PACSIN2: variants seen among roughly 807,000 people sequenced by gnomAD.
The protein encoded by PACSIN2 is protein kinase C and casein kinase substrate in neurons protein 2.
In PACSIN2, 25 loss-of-function variants were observed where a neutral mutation model predicts 63.8. The observed-to-expected ratio is 0.39, with a 90% CI of 0.29 to 0.55. PACSIN2 has a LOEUF of 0.55. PACSIN2 is among the 20% of genes least tolerant of loss of function. The probability of loss-of-function intolerance (pLI) is 0.62; values close to 1 mark genes in which losing one functional copy is unlikely to be tolerated. For synonymous variants in PACSIN2, 255 were observed against 256.2 expected (o/e 1.00, Z 0.05); for missense variants, 518 against 646.9 (o/e 0.80, Z 2.16).
At position 42,888,693 on chromosome 22, in the gene PACSIN2, G is replaced by A; in HGVS notation, c.559C>T (p.Leu187Phe). The A allele has an allele frequency of 6.2e-7, 1 of 1,614,196 alleles. No individual in the cohort carries two copies. Among genetic ancestry groups the A allele is most frequent in the Non-Finnish European group, 8.5e-7 (1 of 1,180,018 alleles). Residue 187 changes from leucine to phenylalanine, a missense_variant, in exon 5 of 11, where the codon CTC becomes TTC. Leu to Phe is a conservative substitution (Grantham distance 22, BLOSUM62 0). Coordinates refer to ENST00000263246, the MANE Select transcript of PACSIN2 (RefSeq NM_001184970.3). ...KADPSLNPEQ[L>F]KKLQDKIEKC... ...TCTATTTTGTCTTGCAATTTCTTGA[G>A]CTGTTCAGGGTTGAGGGATGGGTCT...
At chr22:42,910,453 TG>T (rs376932740) in intron 2 of PACSIN2, among the ~76,000 whole-genome samples, 1 of 152,138 alleles carries the variant, frequency 6.6e-6, no homozygotes, top group Non-Finnish European at 1.5e-5. Flanking sequence ...ACAGCCTCTC[TG>T]GGGGGGCCAG....
At chr22:42,954,960 C>T (rs559141846) in intron 1 of PACSIN2, among the ~76,000 whole-genome samples, 7 of 152,302 alleles carry the variant, frequency 4.6e-5, no homozygotes, top group African/African-American at 1.4e-4. Context: ...ACAACAAGCT[C>T]CTAAGTCTGG....
intron 4 of PACSIN2, among the ~76,000 whole-genome samples, chr22:42,889,191 C>T (rs1217289525): frequency 1.3e-5 from 2 of 151,822 alleles, no homozygotes; most frequent in South Asian, 2.1e-4. Flanking sequence ...ACATGGAACA[C>T]GCACATGGAG....
chr22:42,972,955 C>T (rs760538715), intron 1 of PACSIN2, among the ~76,000 whole-genome samples: 1 of 152,148 alleles, frequency 6.6e-6, no homozygotes, highest in Non-Finnish European at 1.5e-5. Flanking sequence ...AAAGCACACA[C>T]CTGGATTTTC....
chr22:42,884,649 G>T, intron 5 of PACSIN2, 88 bp from the exon 6 acceptor site: 2 of 953,046 alleles, frequency 2.1e-6, no homozygotes, highest in Non-Finnish European at 3.2e-6. Context: ...GGCCTTCCCA[G>T]ATTCCAAATG....
chr22:42,969,447 A>G (rs1290393260), intron 1 of PACSIN2, among the ~76,000 whole-genome samples: 2 of 152,208 alleles, frequency 1.3e-5, no homozygotes, highest in African/African-American at 4.8e-5. Flanking sequence ...ACCACTTAAC[A>G]CTGGTTTAGA....
intron 1 of PACSIN2, among the ~76,000 whole-genome samples, chr22:42,979,825 C>T (rs1223658339): frequency 2.6e-5 from 4 of 152,164 alleles, no homozygotes; most frequent in African/African-American, 7.2e-5. Flanking sequence ...GCATCCTGAC[C>T]ACATGCTACA....
rs75251521 is a variant in PACSIN2 at position 42,955,632 on chromosome 22, G to A, written c.-77-43475C>T. Among the ~76,000 whole-genome samples, 668 of 152,260 alleles carry A rather than the reference G, an allele frequency of 4.4e-3. 4 individuals carry two copies. The highest frequency in any genetic ancestry group is 0.015 in the African/African-American group (625 of 41,544). On this transcript the variant is annotated intron_variant, in intron 1 of 10. Coordinates refer to ENST00000263246, the MANE Select transcript of PACSIN2 (RefSeq NM_001184970.3). Reference sequence around the variant, plus strand: ...ACCTAAGATTCAATTTAATGTCTTCGAGTTCAATGTGAAGTATGAAAGATT... The same window carrying A: ...ACCTAAGATTCAATTTAATGTCTTCAAGTTCAATGTGAAGTATGAAAGATT...
intron 1 of PACSIN2, among the ~76,000 whole-genome samples, chr22:42,981,308 T>C (rs201704843): frequency 0.048 from 6,606 of 136,896 alleles, 575 homozygotes; most frequent in East Asian, 0.46. Flanking sequence ...GTCTGGGAAG[T>C]GAGGAGCGTC....
chr22:43,014,003 G>A (rs1308543000), intron 1 of PACSIN2, among the ~76,000 whole-genome samples: 1 of 151,326 alleles, frequency 6.6e-6, no homozygotes, highest in Non-Finnish European at 1.5e-5. Flanking sequence ...GCAGCCGTGT[G>A]GGCCCCAAAG....
At chr22:42,982,898 A>C (rs1922321125) in intron 1 of PACSIN2, among the ~76,000 whole-genome samples, 1 of 148,954 alleles carries the variant, frequency 6.7e-6, no homozygotes, top group Non-Finnish European at 1.5e-5. Context: ...AAACAACAAC[A>C]AGGCTAGGAG....
intron 1 of PACSIN2, among the ~76,000 whole-genome samples, chr22:43,003,467 G>T (rs1229141993): frequency 6.6e-6 from 1 of 152,164 alleles, no homozygotes; most frequent in Non-Finnish European, 1.5e-5. Flanking sequence ...GCTGGGCGTG[G>T]TGGCGGGCAC....
intron 1 of PACSIN2, among the ~76,000 whole-genome samples, chr22:42,947,250 G>C (rs944341365): frequency 6.6e-6 from 1 of 152,178 alleles, no homozygotes; most frequent in African/African-American, 2.4e-5. Flanking sequence ...GGGAGAAGAG[G>C]AATGCTCCAG....
intron 1 of PACSIN2, among the ~76,000 whole-genome samples, chr22:42,946,567 A>G (rs950342077): frequency 3.9e-5 from 6 of 152,190 alleles, no homozygotes; most frequent in African/African-American, 1.4e-4. Flanking sequence ...AAAAAGAACA[A>G]GTGCTCACTG....
chr22:42,916,752 G>A (rs1601515181), intron 1 of PACSIN2, among the ~76,000 whole-genome samples: 1 of 152,136 alleles, frequency 6.6e-6, no homozygotes, highest in Non-Finnish European at 1.5e-5. Flanking sequence ...GCTCTCAAGA[G>A]GCAGCCTCTC....
chr22:42,920,793 CTTTTTTTTTTTT>C (rs745822264), intron 1 of PACSIN2, among the ~76,000 whole-genome samples: 1 of 77,656 alleles, frequency 1.3e-5, no homozygotes, highest in Admixed American at 1.8e-4. Context: ...AATTATCACA[CTTTTTTTTTTTT>C]TTTTTTTTTT....
intron 1 of PACSIN2, among the ~76,000 whole-genome samples, chr22:42,974,439 T>C (rs948818767): frequency 2.0e-5 from 3 of 152,042 alleles, no homozygotes; most frequent in Non-Finnish European, 2.9e-5. Flanking sequence ...GCCTAACTCC[T>C]CCCCACTGGA....
chr22:42,943,194 C>A (rs968892185), intron 1 of PACSIN2, among the ~76,000 whole-genome samples: 8 of 151,896 alleles, frequency 5.3e-5, no homozygotes, highest in South Asian at 2.1e-4. Context: ...TTGAATTATT[C>A]CTTGCTAGAT....
At chr22:42,950,128 CT>C (rs1226985442) in intron 1 of PACSIN2, among the ~76,000 whole-genome samples, 1 of 151,966 alleles carries the variant, frequency 6.6e-6, no homozygotes, top group Non-Finnish European at 1.5e-5. Context: ...CATGTACAGA[CT>C]TTTTTTGCTT....
Sources: allele counts gnomAD v4.1 joint callset (sites outside exome capture counted in the v4.1 genomes callset), GRCh38; gene constraint gnomAD v4.1.1; transcripts MANE v1.5; gene names NCBI Gene and HGNC (gene_info 2026-07-23, HGNC 2026-07-21).